Variants in STK32C observed in about 807,000 individuals in gnomAD.
STK32C encodes serine/threonine kinase 32C.
A neutral mutation model predicts 56.5 loss-of-function variants in STK32C; 31 were observed. That is an observed-to-expected ratio of 0.55 (90% CI 0.41 to 0.74). The LOEUF (loss-of-function observed/expected upper bound fraction) is 0.74, where lower values mean the gene tolerates loss of function less well. Ranked by LOEUF, STK32C falls within the 30% of genes least tolerant of loss-of-function variation. The pLI, the probability that STK32C is intolerant of heterozygous loss-of-function variation, is 0.00. For missense variants in STK32C, 544 were observed against 676.9 expected (o/e 0.80, Z 2.18); for synonymous variants, 309 against 289.4 (o/e 1.07, Z -0.69).
intron 1 of STK32C, among the ~76,000 whole-genome samples, chr10:132,265,292 C>T (rs996109181): frequency 1.3e-5 from 2 of 152,112 alleles, no homozygotes; most frequent in Non-Finnish European, 2.9e-5. Context: ...ACCCGGGGGA[C>T]ACTCTGCTGG....
At chr10:132,215,435 C>T (rs766670471) in intron 10 of STK32C, among the ~76,000 whole-genome samples, 16 of 152,044 alleles carry the variant, frequency 1.1e-4, no homozygotes, top group Admixed American at 2.0e-4. Context: ...ATTATGGGGG[C>T]GGGTCTTTCC....
At chr10:132,228,359 T>A (rs934733805) in intron 2 of STK32C, among the ~76,000 whole-genome samples, 1 of 152,172 alleles carries the variant, frequency 6.6e-6, no homozygotes, top group Admixed American at 6.5e-5. Flanking sequence ...GAGGCCGTGA[T>A]TCTGCCCCCC....
intron 1 of STK32C, among the ~76,000 whole-genome samples, chr10:132,288,637 T>C (rs1335274349): frequency 6.6e-6 from 1 of 152,240 alleles, no homozygotes; most frequent in East Asian, 1.9e-4. Context: ...ATAAAACTGA[T>C]ATTAAAAATT....
At chr10:132,273,447 G>T (rs2064893458) in intron 1 of STK32C, among the ~76,000 whole-genome samples, 2 of 152,230 alleles carry the variant, frequency 1.3e-5, no homozygotes. Context: ...ATCAGTAGAT[G>T]AGTGAATGAA....
intron 2 of STK32C, among the ~76,000 whole-genome samples, chr10:132,232,692 T>G (rs1471410350): frequency 6.6e-6 from 1 of 151,972 alleles, no homozygotes; most frequent in East Asian, 1.9e-4. Flanking sequence ...TCCGGAGCCC[T>G]GGGCTTTTCC....
chr10:132,226,144 A>G (rs2062880887), intron 4 of STK32C, among the ~76,000 whole-genome samples: 1 of 152,184 alleles, frequency 6.6e-6, no homozygotes, highest in Non-Finnish European at 1.5e-5. Flanking sequence ...GCTTTGTCCC[A>G]ACTTTTCCAG....
At chr10:132,246,660 G>A (rs556638090) in intron 1 of STK32C, among the ~76,000 whole-genome samples, 1 of 152,346 alleles carries the variant, frequency 6.6e-6, no homozygotes, top group South Asian at 2.1e-4. Context: ...ATTGTCACTC[G>A]TGAGACCTGT....
chr10:132,280,567 G>A (rs558503065), intron 1 of STK32C, among the ~76,000 whole-genome samples: 56 of 126,422 alleles, frequency 4.4e-4, no homozygotes, highest in Non-Finnish European at 7.1e-4. Flanking sequence ...CCTGCACCCC[G>A]TGACCACGCC....
At chr10:132,304,421 C>A (rs1222905597) in intron 1 of STK32C, among the ~76,000 whole-genome samples, 1 of 152,228 alleles carries the variant, frequency 6.6e-6, no homozygotes, top group Non-Finnish European at 1.5e-5. Context: ...CTCGGGTCCA[C>A]AGCCTGGGGC....
At chr10:132,303,656 A>G (rs1269092284) in intron 1 of STK32C, among the ~76,000 whole-genome samples, 2 of 152,234 alleles carry the variant, frequency 1.3e-5, no homozygotes, top group African/African-American at 4.8e-5. Flanking sequence ...TTAGAGCTGA[A>G]TGCTCTAAAC....
At chr10:132,298,669 G>C (rs549011368) in intron 1 of STK32C, among the ~76,000 whole-genome samples, 4 of 152,146 alleles carry the variant, frequency 2.6e-5, no homozygotes, top group Non-Finnish European at 5.9e-5. Flanking sequence ...CACTGGGGGG[G>C]AGTTGAGCGC....
Position 132,325,732 on chromosome 10 carries a change from T to C in STK32C, c.302-1359A>G, listed in dbSNP as rs943117195. On this transcript the variant is annotated intron_variant, in intron 1 of 1. Coordinates refer to the STK32C transcript ENST00000368619. ...CCCAGTCTTTGGTATGTCTTTTTTT[T>C]TTTTTTTTTAAGACAGTCTTGCTCT... Among the ~76,000 whole-genome samples the C allele has an allele frequency of 1.2e-4, 18 of 148,322 alleles. 1 individual carries two copies. The highest frequency in any genetic ancestry group is 4.1e-4 in the African/African-American group (17 of 41,006).
chr10:132,267,716 T>C (rs11146292), intron 1 of STK32C, among the ~76,000 whole-genome samples: 19,887 of 124,922 alleles, frequency 0.16, 2,601 homozygotes, highest in Non-Finnish European at 0.25. Context: ...TATGTCTATG[T>C]GCATGCATGT....
At position 132,216,418 on chromosome 10, in the gene STK32C, C is replaced by T. The variant is rs192659548; in HGVS notation, c.1251+6223G>A. Among the ~76,000 whole-genome samples the T allele has an allele frequency of 1.4e-3, 206 of 150,226 alleles. 1 individual carries two copies. The highest frequency in any genetic ancestry group is 0.014 in the Middle Eastern group (4 of 292). ...AGCGGAGGTTGCAGTGGCAATGAGC[C>T]GCCATTGCACCACTGCACTCCAGCC... On this transcript the variant is annotated intron_variant, in intron 10 of 11. Transcript: ENST00000298630.
intron 1 of STK32C, among the ~76,000 whole-genome samples, chr10:132,251,324 C>T (rs913936780): frequency 3.3e-5 from 5 of 152,184 alleles, no homozygotes; most frequent in East Asian, 1.9e-4. Flanking sequence ...GACGGGTCTG[C>T]GTGGTGGTGC....
intron 1 of STK32C, among the ~76,000 whole-genome samples, chr10:132,260,772 GGGCAGGGAGA>G (rs1308969311): frequency 6.6e-6 from 1 of 152,234 alleles, no homozygotes; most frequent in Admixed American, 6.5e-5. Flanking sequence ...CCACCTGGAG[GGGCAGGGAGA>G]GGGGCGAGAC....
chr10:132,315,731 T>G (rs1226741177), intron 1 of STK32C, among the ~76,000 whole-genome samples: 2 of 152,226 alleles, frequency 1.3e-5, no homozygotes, highest in African/African-American at 4.8e-5. Context: ...CTGATCGACA[T>G]CTATAGAACA....
At chr10:132,321,274 C>A (rs890280208), downstream of STK32C, among the ~76,000 whole-genome samples, 6 of 152,196 alleles carry the variant, frequency 3.9e-5, no homozygotes, top group African/African-American at 1.2e-4. Context: ...TGGCCCAGAG[C>A]CAAGACTGAC....
chr10:132,223,166 G>A (rs948813692), intron 8 of STK32C, among the ~76,000 whole-genome samples, 180 bp from the exon 9 acceptor site: 5 of 152,230 alleles, frequency 3.3e-5, no homozygotes, highest in South Asian at 2.1e-4. Context: ...GCAAAGCACC[G>A]TGGCTGGCTC....
Sources: allele counts gnomAD v4.1 joint callset (sites outside exome capture counted in the v4.1 genomes callset), GRCh38; gene constraint gnomAD v4.1.1; transcripts MANE v1.5; gene names NCBI Gene and HGNC (gene_info 2026-07-23, HGNC 2026-07-21).